The following SLC25A19 variants were observed in gnomAD, a reference collection of about 807,000 sequenced individuals.
The protein encoded by SLC25A19 is mitochondrial thiamine pyrophosphate carrier.
A neutral mutation model predicts 27.9 loss-of-function variants in SLC25A19; 18 were observed. That is an observed-to-expected ratio of 0.64 (90% CI 0.45 to 0.96). The LOEUF (loss-of-function observed/expected upper bound fraction) is 0.96. SLC25A19 is among the 40% of genes least tolerant of loss of function. The probability of loss-of-function intolerance (pLI) is 0.00; values close to 1 mark genes in which losing one functional copy is unlikely to be tolerated. For missense variants in SLC25A19, 371 were observed against 418.3 expected, an observed-to-expected ratio of 0.89 and a Z score of 0.99; for synonymous variants, 169 against 167.1, an observed-to-expected ratio of 1.01 and a Z score of -0.09.
intron 7 of SLC25A19, among the ~76,000 whole-genome samples, chr17:75,276,440 T>G (rs1232637040): frequency 2.0e-5 from 3 of 152,154 alleles, no homozygotes; most frequent in Non-Finnish European, 4.4e-5. Flanking sequence ...CAATCGTGGC[T>G]CCCTGTAACA....
intron 5 of SLC25A19, among the ~76,000 whole-genome samples, chr17:75,281,620 C>A (rs1598188386): frequency 2.0e-5 from 3 of 152,152 alleles, no homozygotes; most frequent in Admixed American, 6.6e-5. Flanking sequence ...TCGCTTGAAC[C>A]CAGGAGGCAG....
chr17:75,288,822 TC>T (rs908998701), intron 1 of SLC25A19, among the ~76,000 whole-genome samples: 1 of 151,958 alleles, frequency 6.6e-6, no homozygotes, highest in Non-Finnish European at 1.5e-5. Flanking sequence ...ACCCTGGAAC[TC>T]CTCCCCAGGC....
chr17:75,282,800 G>A (rs547337564), intron 5 of SLC25A19, among the ~76,000 whole-genome samples: 1 of 151,376 alleles, frequency 6.6e-6, no homozygotes, highest in Non-Finnish European at 1.5e-5. Flanking sequence ...TGCAGTAGCC[G>A]AGACTGTGCC....
Position 75,286,798 on chromosome 17 carries a change from T to A in SLC25A19, c.-34A>T. The A allele has an allele frequency of 6.2e-7, 1 of 1,613,826 alleles. No individual in the cohort carries two copies. Among genetic ancestry groups the A allele is most frequent in the Non-Finnish European group, 8.5e-7 (1 of 1,179,880 alleles). The stretch of plus-strand genomic sequence containing the variant: ...CTGGCCCACACAATGTCCATCAGTA[T>A]CAAGCTAAATGCAAGAGATACGGAA... On this transcript the variant is annotated 5_prime_UTR_variant, in exon 3 of 8. The change abolishes the stop of an existing upstream ORF in the 5' untranslated region. Transcript: ENST00000416858.
In SLC25A19 at chr17:75,273,049, A is replaced by C. The variant is rs1349868992; in HGVS notation, c.*402T>G. On this transcript the variant is annotated 3_prime_UTR_variant, in exon 8 of 8. Coordinates refer to ENST00000416858, the MANE Select transcript of SLC25A19 (RefSeq NM_001126121.2). The stretch of plus-strand genomic sequence containing the variant: ...TTGGAAAAACAGGCCAAGTGTAGGG[A>C]CCTGACTCCTGCAAAGGGCCTACCG... 1 of 336,304 alleles carries C rather than the reference A, an allele frequency of 3.0e-6. No individual in the cohort carries two copies. Among genetic ancestry groups the C allele is most frequent in the Non-Finnish European group, 5.8e-6 (1 of 173,276 alleles). 20.8% of individuals were successfully genotyped at this position (336,304 alleles called of 1,614,324 possible).
At position 75,275,981 on chromosome 17, in the gene SLC25A19, T is replaced by A. The variant is rs138545943; in HGVS notation, c.774+1372A>T. Among the ~76,000 whole-genome samples, 104 of 142,734 alleles carry A rather than the reference T, an allele frequency of 7.3e-4. 1 individual carries two copies. The highest frequency in any genetic ancestry group is 3.9e-3 in the East Asian group (18 of 4,658). The allele number at this position is 142,734 out of a possible 152,430, so 93.6% of individuals were successfully genotyped here. ...GCGAGACTCCGTCTCAAAAAATATA[T>A]ATATATATATGGCTGGGCACAGTGG... is the stretch of plus-strand genomic sequence containing the variant. On this transcript the variant is annotated intron_variant, in intron 7 of 7. Coordinates refer to ENST00000416858, the MANE Select transcript of SLC25A19 (RefSeq NM_001126121.2).
chr17:75,287,987 T>C (rs1013454765), intron 2 of SLC25A19: 6 of 151,802 alleles, frequency 4.0e-5, no homozygotes, highest in African/African-American at 1.5e-4. Context: ...CTAATAAAAA[T>C]ACAAAAATTA....
intron 1 of SLC25A19, 148 bp from the exon 2 acceptor site, chr17:75,288,739 GGGA>G (rs2078241630): frequency 6.9e-6 from 1 of 145,664 alleles, no homozygotes; most frequent in Admixed American, 6.8e-5. Flanking sequence ...GTGGGGGTGG[GGGA>G]GGAGGGGAGA....
chr17:75,285,013 A>G (rs1053561716), intron 4 of SLC25A19, among the ~76,000 whole-genome samples: 1 of 152,152 alleles, frequency 6.6e-6, no homozygotes, highest in Non-Finnish European at 1.5e-5. Context: ...ATCACAGTTC[A>G]CAGCAGCCTT....
rs2077913757 is a variant in SLC25A19 at position 75,277,272 on chromosome 17, G to A, written c.774+81C>T. The A allele has an allele frequency of 2.5e-6, 4 of 1,574,972 alleles. No individual in the cohort carries two copies. The African/African-American group carries it at 5.4e-5, about 21-fold the overall frequency. ...TGGCCAGGGGTGATGTTGCCCAATG[G>A]GTAGGAGGTGACTACTGGTTCCCTC... On this transcript the variant is annotated intron_variant, in intron 7 of 7. Coordinates refer to ENST00000416858, the MANE Select transcript of SLC25A19 (RefSeq NM_001126121.2).
intron 7 of SLC25A19, 54 bp downstream of exon 7, chr17:75,277,299 T>A: frequency 6.2e-7 from 1 of 1,602,594 alleles, no homozygotes; most frequent in Non-Finnish European, 8.5e-7. Context: ...GGTTCCCTCA[T>A]GTGCCCAGTG....
At chr17:75,286,169 G>T (rs1315354810) in intron 4 of SLC25A19, 135 bp downstream of exon 4, 2 of 1,079,644 alleles carry the variant, frequency 1.9e-6, no homozygotes, top group African/African-American at 1.5e-5. Flanking sequence ...AGGCTCCCGG[G>T]TGAGGCAGGT....
chr17:75,276,093 G>A (rs1242737185), intron 7 of SLC25A19, among the ~76,000 whole-genome samples: 2 of 152,010 alleles, frequency 1.3e-5, no homozygotes, highest in Non-Finnish European at 2.9e-5. Context: ...GGCCAACATG[G>A]TGAAACCCCG....
At chr17:75,287,141 TCTCA>T (rs1319791517) in intron 2 of SLC25A19, 1 of 284,806 alleles carries the variant, frequency 3.5e-6, no homozygotes, top group African/African-American at 2.2e-5. Context: ...AGAGACAGGG[TCTCA>T]CTCTGTTGCC....
At chr17:75,274,568 G>A (rs1028765889) in intron 7 of SLC25A19, among the ~76,000 whole-genome samples, 1 of 152,130 alleles carries the variant, frequency 6.6e-6, no homozygotes, top group African/African-American at 2.4e-5. Context: ...GGCCAAACTG[G>A]ATTACACTAG....
intron 7 of SLC25A19, among the ~76,000 whole-genome samples, chr17:75,276,953 G>T (rs1472697919): frequency 6.6e-6 from 1 of 150,880 alleles, no homozygotes; most frequent in African/African-American, 2.4e-5. Context: ...AAAGTGCTGG[G>T]ATTACAGGTG....
rs572699463 is a variant in SLC25A19, at chr17:75,276,482, T to C, written c.774+871A>G. Reference sequence around the variant, plus strand: ...TCTCACGTTCAAGCGATTCTCCTGTTTCAGCCTCCCGAGTAGCTGGGACTA... The same window carrying C: ...TCTCACGTTCAAGCGATTCTCCTGTCTCAGCCTCCCGAGTAGCTGGGACTA... On this transcript the variant is annotated intron_variant, in intron 7 of 7. Coordinates refer to ENST00000416858, the MANE Select transcript of SLC25A19 (RefSeq NM_001126121.2). Among the ~76,000 whole-genome samples, 217 of 151,230 alleles carry C rather than the reference T, an allele frequency of 1.4e-3. 2 individuals carry two copies. Among genetic ancestry groups the C allele is most frequent in the Non-Finnish European group, 2.0e-3 (135 of 67,752 alleles).
At chr17:75,285,650 G>T (rs1166919367) in intron 4 of SLC25A19, among the ~76,000 whole-genome samples, 3 of 152,190 alleles carry the variant, frequency 2.0e-5, no homozygotes, top group Non-Finnish European at 4.4e-5. Flanking sequence ...GGTTAATTAT[G>T]TAAGCTCTGT....
chr17:75,282,355 A>G (rs2078059341), intron 5 of SLC25A19, among the ~76,000 whole-genome samples: 1 of 151,552 alleles, frequency 6.6e-6, no homozygotes, highest in Non-Finnish European at 1.5e-5. Flanking sequence ...GTTCAAGACC[A>G]GCCTGCTAAC....
Sources: gnomAD v4.1 joint callset for allele counts (sites outside exome capture counted in the v4.1 genomes callset) on GRCh38, gnomAD v4.1.1 for gene constraint, MANE v1.5 for transcripts, NCBI Gene and HGNC (gene_info 2026-07-23, HGNC 2026-07-21) for gene names.